FHIT: variants seen among roughly 807,000 people sequenced by gnomAD.
The protein encoded by FHIT is fragile histidine triad diadenosine triphosphatase.
In FHIT, 19 loss-of-function variants were observed where a neutral mutation model predicts 17.9. The observed-to-expected ratio is 1.06, with a 90% confidence interval of 0.74 to 1.56. The LOEUF (loss-of-function observed/expected upper bound fraction) is 1.56, where lower values mean the gene tolerates loss of function less well. FHIT is among the 40% of genes most tolerant of loss of function. The pLI, the probability that FHIT is intolerant of heterozygous loss-of-function variation, is 0.00. For missense variants in FHIT, 248 were observed against 189.2 expected, an observed-to-expected ratio of 1.31 and a Z score of -1.82; for synonymous variants, 81 against 69.7, an observed-to-expected ratio of 1.16 and a Z score of -0.81.
intron 4 of FHIT, among the ~76,000 whole-genome samples, chr3:60,636,869 A>C (rs1360565287): frequency 6.6e-6 from 1 of 152,192 alleles, no homozygotes; most frequent in African/African-American, 2.4e-5. Context: ...TTCACTCTAA[A>C]GTAACAGAGA....
At chr3:59,873,894 C>T (rs2106917232) in intron 8 of FHIT, among the ~76,000 whole-genome samples, 1 of 152,302 alleles carries the variant, frequency 6.6e-6, no homozygotes, top group South Asian at 2.1e-4. Context: ...GAGACAGCAA[C>T]CTTGCTCTGT....
intron 7 of FHIT, among the ~76,000 whole-genome samples, chr3:59,940,301 G>T (rs1298503257): frequency 3.3e-5 from 5 of 152,056 alleles, no homozygotes. Context: ...TGTGCTACTT[G>T]ACCACAACAT....
chr3:60,224,992 A>G (rs1298387574), intron 5 of FHIT, among the ~76,000 whole-genome samples: 2 of 152,058 alleles, frequency 1.3e-5, no homozygotes, highest in African/African-American at 4.8e-5. Context: ...AAGTGCTGGG[A>G]TTACAGGAAT....
At chr3:60,054,741 A>T (rs1702014040) in intron 5 of FHIT, among the ~76,000 whole-genome samples, 1 of 152,054 alleles carries the variant, frequency 6.6e-6, no homozygotes, top group African/African-American at 2.4e-5. Flanking sequence ...ATTCTACATC[A>T]TTTTCTTTGT....
At position 60,077,872 on chromosome 3, in the gene FHIT, CA is replaced by C. The variant is rs1374544104; in HGVS notation, c.104-63721del. Among the ~76,000 whole-genome samples the C allele has an allele frequency of 2.0e-5, 3 of 151,664 alleles. 1 individual carries two copies. The highest frequency in any genetic ancestry group is 2.0e-4 in the Admixed American group (3 of 15,206). ...AAGTAGATTTTAGCTGCTCTCTTCA[CA>C]AAAAAAGTAACTCTGAGATAACAGA... On this transcript the variant is annotated intron_variant, in intron 5 of 9. Coordinates refer to ENST00000492590, the MANE Select transcript of FHIT (RefSeq NM_002012.4).
At chr3:60,181,977 G>A (rs1315977485) in intron 5 of FHIT, among the ~76,000 whole-genome samples, 19 of 152,160 alleles carry the variant, frequency 1.2e-4, no homozygotes, top group Non-Finnish European at 5.9e-5. Flanking sequence ...CTAGATAAAT[G>A]GGATCACAAA....
intron 5 of FHIT, among the ~76,000 whole-genome samples, chr3:60,261,235 T>C (rs1302105189): frequency 2.0e-5 from 3 of 152,050 alleles, no homozygotes; most frequent in African/African-American, 7.2e-5. Flanking sequence ...AATTCTTCCT[T>C]GCATGAGGTC....
chr3:60,309,827 AT>A (rs573920000), intron 5 of FHIT, among the ~76,000 whole-genome samples: 92 of 152,058 alleles, frequency 6.1e-4, no homozygotes, highest in African/African-American at 2.1e-3. Flanking sequence ...AACTTCCTCT[AT>A]CAGCTCAAGT....
chr3:59,768,907 T>A (rs548490022), intron 8 of FHIT, among the ~76,000 whole-genome samples: 115 of 152,298 alleles, frequency 7.6e-4, no homozygotes, highest in Non-Finnish European at 1.4e-3. Flanking sequence ...AAAATGTAAC[T>A]ATATTTACTG....
chr3:60,277,577 A>T (rs1707214845), intron 5 of FHIT, among the ~76,000 whole-genome samples: 1 of 152,154 alleles, frequency 6.6e-6, no homozygotes, highest in Non-Finnish European at 1.5e-5. Flanking sequence ...AGATCAGGGT[A>T]GGGCATCCAG....
intron 5 of FHIT, among the ~76,000 whole-genome samples, chr3:60,275,221 G>A (rs1180966746): frequency 4.6e-5 from 6 of 130,216 alleles, no homozygotes; most frequent in African/African-American, 1.7e-4. Flanking sequence ...AAATATTTCT[G>A]GAAGAAAAGA....
At chr3:60,840,334 T>C (rs1702679940) in intron 3 of FHIT, among the ~76,000 whole-genome samples, 1 of 152,204 alleles carries the variant, frequency 6.6e-6, no homozygotes, top group Admixed American at 6.5e-5. Context: ...TTTTTTGTTT[T>C]CTCTCTATGA....
rs61528063 is a variant in FHIT, at chr3:60,804,702, G to C, written c.-18+17217C>G. On this transcript the variant is annotated intron_variant, in intron 4 of 9. Coordinates refer to ENST00000492590, the MANE Select transcript of FHIT (RefSeq NM_002012.4). ...AAGCTGCATTTTAGTCAAAGTTCTTGCTTCCCTGTAAACTTCTAGAGATTC... is the reference window on the plus strand; with the variant it reads ...AAGCTGCATTTTAGTCAAAGTTCTTCCTTCCCTGTAAACTTCTAGAGATTC... 5.7e-3 allele frequency among the ~76,000 whole-genome samples: 866 copies of C among 152,306 alleles called. 9 individuals carry two copies. The highest frequency in any genetic ancestry group is 0.02 in the African/African-American group (821 of 41,562).
chr3:60,866,008 C>CT (rs1704143356), intron 3 of FHIT, among the ~76,000 whole-genome samples: 1 of 152,022 alleles, frequency 6.6e-6, no homozygotes, highest in Non-Finnish European at 1.5e-5. Context: ...GGGAAGCATT[C>CT]AACAAGTAGG....
At chr3:60,569,372 C>T (rs1430769969) in intron 4 of FHIT, among the ~76,000 whole-genome samples, 1 of 151,894 alleles carries the variant, frequency 6.6e-6, no homozygotes, top group Non-Finnish European at 1.5e-5. Flanking sequence ...ATTTTATTCC[C>T]AAAGAGGCTA....
chr3:60,598,170 T>C (rs2038330707), intron 4 of FHIT, among the ~76,000 whole-genome samples: 1 of 152,138 alleles, frequency 6.6e-6, no homozygotes, highest in African/African-American at 2.4e-5. Flanking sequence ...CAACTTAATA[T>C]TCAGAAACAA....
chr3:60,476,826 C>T (rs550696937), intron 5 of FHIT, among the ~76,000 whole-genome samples: 2 of 149,490 alleles, frequency 1.3e-5, no homozygotes, highest in Admixed American at 6.8e-5. Flanking sequence ...CATTTGGTCT[C>T]GTCCTGGACA....
At chr3:60,375,179 G>T (rs1483977856) in intron 5 of FHIT, among the ~76,000 whole-genome samples, 1 of 151,514 alleles carries the variant, frequency 6.6e-6, no homozygotes, top group Non-Finnish European at 1.5e-5. Context: ...TTCAATAATT[G>T]TGAGTGCCAG....
intron 8 of FHIT, among the ~76,000 whole-genome samples, chr3:59,807,737 G>C (rs3112502): frequency 6.6e-6 from 1 of 152,164 alleles, no homozygotes; most frequent in Admixed American, 6.5e-5. Flanking sequence ...CTGGGACACA[G>C]GGTGAGTAGT....
Sources: gnomAD v4.1 joint callset for allele counts (sites outside exome capture counted in the v4.1 genomes callset) on GRCh38, gnomAD v4.1.1 for gene constraint, MANE v1.5 for transcripts, NCBI Gene and HGNC (gene_info 2026-07-23, HGNC 2026-07-21) for gene names.